Variants in BMPR1B observed in about 807,000 individuals in gnomAD.
BMPR1B encodes bone morphogenetic protein receptor type-1B.
A neutral mutation model predicts 59.1 loss-of-function variants in BMPR1B; 12 were observed. The ratio of observed to expected loss-of-function variants is 0.20; its 90% CI spans 0.13 to 0.33. BMPR1B has a LOEUF of 0.33. Ranked by LOEUF, BMPR1B falls within the 10% of genes least tolerant of loss-of-function variation. The pLI is 1.00. For synonymous variants in BMPR1B, 237 were observed against 207.3 expected (o/e 1.14, Z -1.23); for missense variants, 550 against 610.9 (o/e 0.90, Z 1.05).
At chr4:94,766,839 T>A (rs181753947) in intron 1 of BMPR1B, among the ~76,000 whole-genome samples, 478 of 152,270 alleles carry the variant, frequency 3.1e-3, no homozygotes, top group Middle Eastern at 0.01. Flanking sequence ...CATGCAGTGA[T>A]TTCTGGCCTT....
At chr4:95,106,857 A>C (rs1211614991) in intron 4 of BMPR1B, among the ~76,000 whole-genome samples, 1 of 151,728 alleles carries the variant, frequency 6.6e-6, no homozygotes, top group Non-Finnish European at 1.5e-5. Flanking sequence ...TCCGTGCTGC[A>C]CTCTGCTGGG....
intron 1 of BMPR1B, among the ~76,000 whole-genome samples, chr4:94,869,038 A>G (rs557930367): frequency 6.6e-6 from 1 of 151,810 alleles, no homozygotes; most frequent in East Asian, 1.9e-4. Context: ...AAATTTCTCT[A>G]GAACCTCTTT....
chr4:94,899,595 T>C (rs998670408), intron 2 of BMPR1B, among the ~76,000 whole-genome samples: 30 of 151,752 alleles, frequency 2.0e-4, no homozygotes, highest in Admixed American at 1.1e-3. Context: ...TATCTCTTCC[T>C]AGTAATATAT....
At chr4:95,138,750 A>G (rs975002614) in intron 10 of BMPR1B, among the ~76,000 whole-genome samples, 2 of 152,140 alleles carry the variant, frequency 1.3e-5, no homozygotes, top group Non-Finnish European at 2.9e-5. Context: ...CATGGTTTTC[A>G]GCTCCATCAA....
intron 1 of BMPR1B, among the ~76,000 whole-genome samples, chr4:94,759,837 G>T (rs575036036): frequency 4.6e-5 from 7 of 152,320 alleles, no homozygotes; most frequent in Admixed American, 4.6e-4. Flanking sequence ...AAAAGTTTGT[G>T]TTATAAGCAG....
intron 6 of BMPR1B, among the ~76,000 whole-genome samples, chr4:95,118,102 C>T (rs554941792): frequency 1.2e-4 from 19 of 152,232 alleles, no homozygotes; most frequent in African/African-American, 3.8e-4. Flanking sequence ...CTCTGAGGAT[C>T]TCAGGTGGTA....
intron 1 of BMPR1B, among the ~76,000 whole-genome samples, chr4:94,848,322 C>G (rs1312865649): frequency 2.0e-5 from 3 of 152,158 alleles, no homozygotes; most frequent in African/African-American, 7.2e-5. Flanking sequence ...ATTTACAGAA[C>G]TGCAAATGGG....
intron 2 of BMPR1B, among the ~76,000 whole-genome samples, chr4:94,950,966 T>G (rs1429614619): frequency 2.0e-5 from 3 of 152,150 alleles, no homozygotes; most frequent in Non-Finnish European, 4.4e-5. Context: ...TTGAGCAGTG[T>G]TTTGTAGTTC....
chr4:94,910,569 G>T (rs1578792403), intron 2 of BMPR1B, among the ~76,000 whole-genome samples: 1 of 151,956 alleles, frequency 6.6e-6, no homozygotes, highest in Non-Finnish European at 1.5e-5. Context: ...TGCTTTTTAG[G>T]CATAGTTGCT....
chr4:94,990,949 C>A (rs1444028528), intron 2 of BMPR1B, among the ~76,000 whole-genome samples: 1 of 152,178 alleles, frequency 6.6e-6, no homozygotes, highest in African/African-American at 2.4e-5. Context: ...AGCTCAGCTG[C>A]CAGTGCTTTT....
At chr4:95,099,201 A>G (rs1024677420) in intron 3 of BMPR1B, among the ~76,000 whole-genome samples, 32 of 152,318 alleles carry the variant, frequency 2.1e-4, no homozygotes, top group Admixed American at 7.8e-4. Flanking sequence ...GGGGAATACC[A>G]TCATGAAGAT....
intron 3 of BMPR1B, among the ~76,000 whole-genome samples, chr4:95,079,679 C>T (rs1445613966): frequency 6.6e-6 from 1 of 151,428 alleles, no homozygotes; most frequent in Non-Finnish European, 1.5e-5. Flanking sequence ...CATAAACACA[C>T]ATAAAGTTAG....
At chr4:94,857,657 G>C (rs985827093) in intron 1 of BMPR1B, among the ~76,000 whole-genome samples, 1 of 152,142 alleles carries the variant, frequency 6.6e-6, no homozygotes, top group Admixed American at 6.6e-5. Context: ...TTGCTACCCA[G>C]ATTTATTATG....
chr4:95,013,327 A>G (rs976181525), intron 3 of BMPR1B, among the ~76,000 whole-genome samples: 3 of 152,202 alleles, frequency 2.0e-5, no homozygotes, highest in African/African-American at 7.2e-5. Flanking sequence ...TATTTTAGAT[A>G]AAATTATTTT....
intron 6 of BMPR1B, among the ~76,000 whole-genome samples, chr4:95,117,724 T>G (rs1455473092): frequency 1.3e-5 from 2 of 152,028 alleles, no homozygotes; most frequent in Admixed American, 1.3e-4. Context: ...AGTTCGACAT[T>G]ACATTGCGCT....
chr4:95,140,563 A>G (rs977632201), intron 10 of BMPR1B, among the ~76,000 whole-genome samples: 1 of 152,092 alleles, frequency 6.6e-6, no homozygotes, highest in African/African-American at 2.4e-5. Context: ...CACTTGATTC[A>G]TCCCCCAGCT....
chr4:94,845,326 C>T (rs529956211), intron 1 of BMPR1B, among the ~76,000 whole-genome samples: 4 of 149,414 alleles, frequency 2.7e-5, no homozygotes, highest in Non-Finnish European at 5.9e-5. Context: ...ATGAGACTGA[C>T]AATAACCAAG....
chr4:95,096,398 G>A (rs1241438251), intron 3 of BMPR1B, among the ~76,000 whole-genome samples: 1 of 151,326 alleles, frequency 6.6e-6, no homozygotes, highest in African/African-American at 2.4e-5. Context: ...ATTGCATTCT[G>A]ATAGTTAGGT....
At chr4:94,973,485 C>T (rs1350434497) in intron 2 of BMPR1B, among the ~76,000 whole-genome samples, 5 of 152,184 alleles carry the variant, frequency 3.3e-5, no homozygotes. Context: ...CCAGATTTTT[C>T]TCCGAAGTTA....
Sources: gnomAD v4.1 joint callset for allele counts (sites outside exome capture counted in the v4.1 genomes callset) on GRCh38, gnomAD v4.1.1 for gene constraint, MANE v1.5 for transcripts, NCBI Gene and HGNC (gene_info 2026-07-23, HGNC 2026-07-21) for gene names.